Variants in SCLY observed in about 807,000 individuals in gnomAD.
SCLY encodes the protein selenocysteine lyase.
In SCLY, 38 loss-of-function variants were observed where a neutral mutation model predicts 50.1. That is an observed-to-expected ratio of 0.76 (90% CI 0.59 to 0.99). The LOEUF (loss-of-function observed/expected upper bound fraction) is 0.99, where lower values mean the gene tolerates loss of function less well. Ranked by LOEUF, SCLY falls within the 50% of genes least tolerant of loss-of-function variation. SCLY has a pLI of 0.00. For missense variants in SCLY, 600 were observed against 620.0 expected (o/e 0.97, Z 0.34); for synonymous variants, 243 against 249.4 (o/e 0.97, Z 0.24).
At chr2:238,065,653 A>ATTTCATTT (rs2065061835) in intron 2 of SCLY, among the ~76,000 whole-genome samples, 13 of 82,544 alleles carry the variant, frequency 1.6e-4, no homozygotes, top group Admixed American at 4.0e-4. Flanking sequence ...AACTAATAAT[A>ATTTCATTT]TTTTATTTTA....
chr2:238,093,270 T>G (rs1263495072), intron 8 of SCLY: 1 of 155,144 alleles, frequency 6.4e-6, no homozygotes, highest in Non-Finnish European at 1.4e-5. Context: ...GGCCACAGAA[T>G]GACCAACAGA....
At chr2:238,094,724 C>T (rs899485180) in intron 10 of SCLY, 17 of 552,614 alleles carry the variant, frequency 3.1e-5, no homozygotes, top group African/African-American at 1.9e-4. Flanking sequence ...GGCCCCTCCT[C>T]TCCCTGACGT....
intron 3 of SCLY, 133 bp downstream of exon 3, chr2:238,068,298 C>G (rs923779896): frequency 2.9e-6 from 2 of 688,792 alleles, no homozygotes. Context: ...CCTGTAATCC[C>G]AGTACTTTGG....
At chr2:238,079,560 T>A (rs2065213048) in intron 4 of SCLY, 1 of 152,252 alleles carries the variant, frequency 6.6e-6, no homozygotes, top group East Asian at 1.9e-4. Context: ...TATGAAATAT[T>A]GTGTGTTATA....
intron 4 of SCLY, chr2:238,073,963 C>G: frequency 3.5e-6 from 1 of 286,072 alleles, no homozygotes; most frequent in South Asian, 3.3e-5. Flanking sequence ...CAACTGCTTA[C>G]GTTATCAGTA....
chr2:238,089,489 T>G (rs1168289815), intron 7 of SCLY, among the ~76,000 whole-genome samples: 1 of 152,184 alleles, frequency 6.6e-6, no homozygotes, highest in Non-Finnish European at 1.5e-5. Flanking sequence ...GCCAAGGCAG[T>G]TAGACATCCA....
intron 4 of SCLY, among the ~76,000 whole-genome samples, chr2:238,078,018 A>G (rs551842800): frequency 6.6e-6 from 1 of 150,554 alleles, no homozygotes; most frequent in Non-Finnish European, 1.5e-5. Flanking sequence ...CAGTGGCACG[A>G]TCTTGGCTCA....
Position 238,083,219 on chromosome 2 carries a change from T to C in SCLY, c.778-29T>C. ...AGAGTAGGTCCTTGGAAAGTTCTTGTTGAATAAATGACCAACTTTTCCTTC... is the reference window on the plus strand; with the variant it reads ...AGAGTAGGTCCTTGGAAAGTTCTTGCTGAATAAATGACCAACTTTTCCTTC... On this transcript the variant is annotated intron_variant, in intron 6 of 11. Transcript: ENST00000254663. This position sits in a 1 kb window ranked among gnomAD's most constrained non-coding sequence, Gnocchi z 4.3. 1.3e-6 allele frequency: 2 copies of C among 1,502,584 alleles called. No homozygotes were observed. Among genetic ancestry groups the C allele is most frequent in the Non-Finnish European group, 1.9e-6 (2 of 1,078,742 alleles). 93.1% of individuals were successfully genotyped at this position (1,502,584 alleles called of 1,614,324 possible). A position where few individuals can be genotyped will look rare whatever the true frequency, so the allele number is the denominator to read the frequency against.
At chr2:238,063,816 A>G (rs1002307282) in intron 1 of SCLY, among the ~76,000 whole-genome samples, 1 of 152,214 alleles carries the variant, frequency 6.6e-6, no homozygotes, top group South Asian at 2.1e-4. Flanking sequence ...CCCTCCTTCC[A>G]TAAGGAAGAG....
At chr2:238,062,737 A>G (rs1392871522) in intron 1 of SCLY, among the ~76,000 whole-genome samples, 2 of 152,240 alleles carry the variant, frequency 1.3e-5, no homozygotes, top group African/African-American at 4.8e-5. Flanking sequence ...AACAGAAAAG[A>G]TGCTTCATTT....
rs773962297 is a variant in SCLY, at chr2:238,081,724, C to A, written c.500C>A (p.Pro167Gln). The change falls in exon 5 of 12, where the codon CCG becomes CAG. Residue 167 changes from proline (P) to glutamine (Q), a missense_variant. Pro to Gln is a moderately conservative substitution (Grantham distance 76, BLOSUM62 -1). Coordinates refer to ENST00000254663, the MANE Select transcript of SCLY (RefSeq NM_016510.7). ...TGTTTCCCAGCGGTCACCTTTGTCC[C>A]GGTGTCCAAGGTGAGCGGGCAGGCA... ...EEQVAAVTFV[P>Q]VSKVSGQAEV... is the part of the protein sequence containing the mutation. 4 of 1,614,104 alleles carry A rather than the reference C, an allele frequency of 2.5e-6. No homozygotes were observed. In the South Asian group the frequency reaches 4.4e-5, roughly 18 times the overall value.
intron 6 of SCLY, 155 bp downstream of exon 6, chr2:238,082,364 A>T: frequency 1.4e-6 from 1 of 722,200 alleles, no homozygotes; most frequent in South Asian, 1.9e-5. Context: ...GAGCTTTAAG[A>T]GGGGAGCCCC....
Position 238,099,099 on chromosome 2 carries a change from CT to C in SCLY, c.*746del. 1 of 338,370 alleles carries C rather than the reference CT, an allele frequency of 3.0e-6. No individual in the cohort carries two copies. Among genetic ancestry groups the C allele is most frequent in the South Asian group, 2.1e-5 (1 of 47,366 alleles). 21.0% of individuals were successfully genotyped at this position (338,370 alleles called of 1,614,324 possible). A position where few individuals can be genotyped will look rare whatever the true frequency, so the allele number is the denominator to read the frequency against. On this transcript the variant is annotated 3_prime_UTR_variant, in exon 12 of 12. Transcript: ENST00000254663. ...GTCCACGGTCCCCAGGCCTTCCTGT[CT>C]TGTCCCTTTTGATCATTATTAACTC... is the stretch of plus-strand genomic sequence containing the variant.
intron 10 of SCLY, 94 bp downstream of exon 10, chr2:238,094,616 C>A: frequency 9.2e-7 from 1 of 1,090,258 alleles, no homozygotes; most frequent in Non-Finnish European, 1.4e-6. Flanking sequence ...CTCGCCCTGC[C>A]CTGAGCATGA....
chr2:238,070,405 G>A (rs1441083261), intron 4 of SCLY, among the ~76,000 whole-genome samples: 5 of 152,128 alleles, frequency 3.3e-5, no homozygotes, highest in Admixed American at 6.5e-5. Flanking sequence ...TTGGCTGGGC[G>A]CAGTGGCTCA....
Position 238,081,778 on chromosome 2 carries a change from G to T in SCLY, c.554G>T (p.Arg185Leu). The change falls in exon 5 of 12, where the codon CGC (arginine) becomes CTC (leucine). Residue 185 changes from arginine to leucine, a missense_variant. Coordinates refer to ENST00000254663, the MANE Select transcript of SCLY (RefSeq NM_016510.7). Reference protein sequence around the residue: ...AEVDDILAAVRPTTRLVTIML... With the variant: ...AEVDDILAAVLPTTRLVTIML... ...GTGGACGACATCCTCGCGGCAGTCC[G>T]CCCGACCACACGCCTCGTGACCATC... The T allele has an allele frequency of 6.2e-7, 1 of 1,614,176 alleles. No individual in the cohort carries two copies. The highest frequency in any genetic ancestry group is 8.5e-7 in the Non-Finnish European group (1 of 1,180,046).
chr2:238,064,558 T>A (rs2065051102), intron 2 of SCLY, 89 bp downstream of exon 2: 1 of 730,612 alleles, frequency 1.4e-6, no homozygotes, highest in South Asian at 2.1e-5. Context: ...CGTGACGGCT[T>A]TGTTTTGAAT....
At position 238,083,348 on chromosome 2, in the gene SCLY, G is replaced by A. The variant is rs372075500; in HGVS notation, c.878G>A (p.Arg293Lys). Residue 293 changes from arginine to lysine, a missense_variant, in exon 7 of 12, where the codon AGG becomes AAG. Transcript: ENST00000254663. The surrounding 1 kb of genome is among the most constrained non-coding windows in gnomAD (Gnocchi z 4.3). ...GGAGGTGGACAAGAACGGAATTTCA[G>A]GCCAGGGTAAGGCAGAAAGTTAACA... The part of the protein sequence containing the change: ...LFGGGQERNF[R>K]PGTENTPMIA... 21 of 1,607,424 alleles carry A rather than the reference G, an allele frequency of 1.3e-5. No individual in the cohort carries two copies. The highest frequency in any genetic ancestry group is 1.7e-5 in the Non-Finnish European group (20 of 1,173,996).
At chr2:238,090,108 GA>G (rs1194491585) in intron 7 of SCLY, among the ~76,000 whole-genome samples, 1 of 151,970 alleles carries the variant, frequency 6.6e-6, no homozygotes, top group East Asian at 1.9e-4. Context: ...TGAAAATAGG[GA>G]AAAAATATAA....
Sources: gnomAD v4.1 joint callset for allele counts (sites outside exome capture counted in the v4.1 genomes callset) on GRCh38, gnomAD v4.1.1 for gene constraint, Gnocchi (gnomAD v3.1) non-coding constraint, MANE v1.5 for transcripts, NCBI Gene and HGNC (gene_info 2026-07-23, HGNC 2026-07-21) for gene names.